The following DENND5B variants were observed in gnomAD, a reference collection of about 807,000 sequenced individuals.
DENND5B encodes DENN domain containing 5B, also known as DENN domain-containing protein 5B.
In DENND5B, 34 loss-of-function variants were observed where a neutral mutation model predicts 140.6. The observed-to-expected ratio is 0.24, with a 90% confidence interval of 0.18 to 0.32. The LOEUF is 0.32. Among genes scored for constraint, DENND5B ranks in the 10% least tolerant of loss-of-function variants. The pLI is 1.00. For missense variants in DENND5B, 1,142 were observed against 1,560.2 expected, an observed-to-expected ratio of 0.73 and a Z score of 4.52; for synonymous variants, 551 against 562.1, an observed-to-expected ratio of 0.98 and a Z score of 0.28.
intron 8 of DENND5B, 34 bp downstream of exon 8, chr12:31,433,121 G>T: frequency 6.3e-7 from 1 of 1,578,048 alleles, no homozygotes; most frequent in Non-Finnish European, 8.7e-7. Context: ...CATGGCGCTT[G>T]CTGTGAGGCA....
intron 3 of DENND5B, among the ~76,000 whole-genome samples, chr12:31,471,970 G>T (rs754561121): frequency 6.6e-6 from 1 of 152,128 alleles, no homozygotes; most frequent in Non-Finnish European, 1.5e-5. Flanking sequence ...CACCCCAGAT[G>T]AAGAAGCTGA....
At chr12:31,409,623 C>G (rs935614212) in intron 13 of DENND5B, among the ~76,000 whole-genome samples, 1 of 151,976 alleles carries the variant, frequency 6.6e-6, no homozygotes, top group African/African-American at 2.4e-5. Context: ...GGATTACAGG[C>G]ATGTGCCACC....
intron 1 of DENND5B, among the ~76,000 whole-genome samples, chr12:31,513,838 A>ATT (rs35872313): frequency 0.082 from 11,847 of 145,274 alleles, 619 homozygotes; most frequent in East Asian, 0.25. Flanking sequence ...CTCAGATAAC[A>ATT]TTTTTTTTTT....
At chr12:31,576,616 C>T (rs551198412) in intron 1 of DENND5B, among the ~76,000 whole-genome samples, 1 of 152,226 alleles carries the variant, frequency 6.6e-6, no homozygotes, top group African/African-American at 2.4e-5. Flanking sequence ...GGCGTGGTGG[C>T]TCACACCTAT....
intron 1 of DENND5B, among the ~76,000 whole-genome samples, chr12:31,565,244 A>C (rs1949587062): frequency 6.6e-6 from 1 of 152,156 alleles, no homozygotes; most frequent in Admixed American, 6.5e-5. Context: ...AAATAAAAAA[A>C]CCAGCTAGGT....
intron 1 of DENND5B, among the ~76,000 whole-genome samples, chr12:31,579,413 G>A (rs1353912826): frequency 6.6e-6 from 1 of 152,144 alleles, no homozygotes; most frequent in African/African-American, 2.4e-5. Flanking sequence ...TGTAATCCCA[G>A]CACTTTGGGT....
rs1053205053 is a variant in DENND5B at position 31,541,669 on chromosome 12, C to T, written c.128-45750G>A. On this transcript the variant is annotated intron_variant, in intron 1 of 20. Transcript: ENST00000389082. The stretch of plus-strand genomic sequence containing the variant: ...CCTCAAAAAACTAAAAATAGAGCTA[C>T]CATATGATCCAGTGATCCCACTCCT... Among the ~76,000 whole-genome samples the T allele has an allele frequency of 4.6e-5, 7 of 152,116 alleles. No homozygotes were observed. In the East Asian group the frequency reaches 1.3e-3, roughly 29 times the overall value.
intron 7 of DENND5B, among the ~76,000 whole-genome samples, chr12:31,435,080 C>T (rs1943679495): frequency 6.6e-6 from 1 of 152,150 alleles, no homozygotes; most frequent in Admixed American, 6.6e-5. Flanking sequence ...CTCTACTTCC[C>T]TCCTTACCTG....
intron 1 of DENND5B, among the ~76,000 whole-genome samples, chr12:31,584,075 CTAGA>C (rs1950306411): frequency 6.6e-6 from 1 of 152,128 alleles, no homozygotes; most frequent in African/African-American, 2.4e-5. Context: ...GCATTGTATT[CTAGA>C]TATTTACTTT....
chr12:31,408,744 G>C (rs879658842), intron 14 of DENND5B, among the ~76,000 whole-genome samples: 1 of 150,478 alleles, frequency 6.6e-6, no homozygotes, highest in Non-Finnish European at 1.5e-5. Flanking sequence ...ATGTGTTTTC[G>C]TTAAGATATT....
intron 8 of DENND5B, chr12:31,432,920 T>C (rs1593151810): frequency 2.2e-6 from 1 of 458,642 alleles, no homozygotes. Flanking sequence ...TTACTTGATG[T>C]AATACACAGA....
At chr12:31,499,302 T>G (rs572655475) in intron 1 of DENND5B, among the ~76,000 whole-genome samples, 2 of 152,332 alleles carry the variant, frequency 1.3e-5, no homozygotes, top group South Asian at 4.1e-4. Context: ...ACATATCAAC[T>G]TAACTCCAAG....
intron 4 of DENND5B, among the ~76,000 whole-genome samples, chr12:31,458,098 A>C (rs1944864621): frequency 6.6e-6 from 1 of 152,228 alleles, no homozygotes; most frequent in African/African-American, 2.4e-5. Context: ...TTTATTAAGC[A>C]GTGTTGATCT....
At chr12:31,582,301 G>T (rs1950232469) in intron 1 of DENND5B, among the ~76,000 whole-genome samples, 1 of 152,182 alleles carries the variant, frequency 6.6e-6, no homozygotes, top group African/African-American at 2.4e-5. Flanking sequence ...CGAGAACACT[G>T]ATGCCTGCGG....
intron 1 of DENND5B, among the ~76,000 whole-genome samples, chr12:31,575,363 T>C (rs1022877925): frequency 6.6e-6 from 1 of 152,200 alleles, no homozygotes; most frequent in Non-Finnish European, 1.5e-5. Flanking sequence ...TTGGTGCTGA[T>C]TCTTGTAACA....
rs1235616491 is a variant in DENND5B, at chr12:31,591,055, G to C, written c.-223C>G. 3.9e-5 allele frequency: 9 copies of C among 228,666 alleles called. No individual in the cohort carries two copies. Among genetic ancestry groups the C allele is most frequent in the Non-Finnish European group, 5.0e-5 (7 of 139,028 alleles). 14.2% of individuals were successfully genotyped at this position (228,666 alleles called of 1,614,324 possible). On this transcript the variant is annotated 5_prime_UTR_variant, in exon 1 of 21. Coordinates refer to ENST00000389082, the MANE Select transcript of DENND5B (RefSeq NM_144973.4). ...CGGCGGGTCCGGAGCCCGGCCGGGT[G>C]GGGGAGGGGCGCGGGGGGAGTGTCG...
At chr12:31,583,611 G>C (rs996645712) in intron 1 of DENND5B, among the ~76,000 whole-genome samples, 1 of 152,174 alleles carries the variant, frequency 6.6e-6, no homozygotes, top group African/African-American at 2.4e-5. Context: ...CTGGGAGGCA[G>C]AGGTTGCAGT....
chr12:31,414,100 T>C (rs895212137), intron 12 of DENND5B, among the ~76,000 whole-genome samples: 1 of 152,172 alleles, frequency 6.6e-6, no homozygotes, highest in African/African-American at 2.4e-5. Context: ...TTTAATTATT[T>C]TAAATATTTT....
At position 31,452,105 on chromosome 12, in the gene DENND5B, A is replaced by G. The variant is rs2138129630; in HGVS notation, c.1464T>C (p.Cys488=). ...GEKDKDLKLH[C]EEAELRDYQL... is the part of the protein sequence containing the mutation. ...GGTAGTCCCTTAGTTCTGCCTCTTC[A>G]CAATGCAGTTTTAAATCCTTGTCTT... Residue 488 remains cysteine, a synonymous_variant, in exon 5 of 21, where the codon TGT becomes TGC. Transcript: ENST00000389082. 1 of 1,613,994 alleles carries G rather than the reference A, an allele frequency of 6.2e-7. No individual in the cohort carries two copies. Among genetic ancestry groups the G allele is most frequent in the East Asian group, 2.2e-5 (1 of 44,884 alleles).
Sources: gnomAD v4.1 joint callset for allele counts (sites outside exome capture counted in the v4.1 genomes callset) on GRCh38, gnomAD v4.1.1 for gene constraint, MANE v1.5 for transcripts, NCBI Gene and HGNC (gene_info 2026-07-23, HGNC 2026-07-21) for gene names.